Variants in STON2 observed in about 807,000 individuals in gnomAD.
The protein encoded by STON2 is stonin-2.
Under a neutral mutation model 65.7 loss-of-function variants are expected in STON2, and 29 were observed. The ratio of observed to expected loss-of-function variants is 0.44; its 90% CI spans 0.33 to 0.60. The LOEUF (loss-of-function observed/expected upper bound fraction) is 0.60. Among genes scored for constraint, STON2 ranks in the 20% least tolerant of loss-of-function variants. The probability of loss-of-function intolerance (pLI) is 0.03; values close to 1 mark genes in which losing one functional copy is unlikely to be tolerated. For missense variants in STON2, 1,054 were observed against 1,118.1 expected, an observed-to-expected ratio of 0.94 and a Z score of 0.82; for synonymous variants, 404 against 414.2, an observed-to-expected ratio of 0.98 and a Z score of 0.30.
chr14:81,318,442 C>T (rs1415540848), intron 5 of STON2, among the ~76,000 whole-genome samples: 2 of 152,184 alleles, frequency 1.3e-5, no homozygotes, highest in African/African-American at 2.4e-5. Context: ...AAAAATGCAA[C>T]TCCCTCTTCA....
rs73341941 is a variant in STON2, at chr14:81,367,722, G to A, written c.571+3266C>T. Among the ~76,000 whole-genome samples, 528 of 152,230 alleles carry A rather than the reference G, an allele frequency of 3.5e-3. 1 individual carries two copies. Among genetic ancestry groups the A allele is most frequent in the African/African-American group, 0.012 (504 of 41,530 alleles). Reference sequence around the variant, plus strand: ...TCCAGACACTGTCTCCATGGCCTGCGGAGCTGCTCTCTGAGGACTCACTTC... The same window carrying A: ...TCCAGACACTGTCTCCATGGCCTGCAGAGCTGCTCTCTGAGGACTCACTTC... On this transcript the variant is annotated intron_variant, in intron 4 of 7. Coordinates refer to ENST00000614646, the MANE Select transcript of STON2 (RefSeq NM_001394390.1).
chr14:81,420,046 T>C (rs1347173046), intron 2 of STON2, among the ~76,000 whole-genome samples: 2 of 152,178 alleles, frequency 1.3e-5, no homozygotes, highest in African/African-American at 4.8e-5. Context: ...CACACCATGT[T>C]GGCCCAACTC....
At chr14:81,420,066 TG>T (rs753740699) in intron 2 of STON2, among the ~76,000 whole-genome samples, 1 of 152,138 alleles carries the variant, frequency 6.6e-6, no homozygotes, top group Non-Finnish European at 1.5e-5. Flanking sequence ...CCCCACATTT[TG>T]GGGGTGCATC....
In STON2 at chr14:81,277,835, CTCA is replaced by C. The variant is rs750495978; in HGVS notation, c.1644_1646del (p.Asp548del). 1 of 1,614,190 alleles carries C rather than the reference CTCA, an allele frequency of 6.2e-7. No homozygotes were observed. Among genetic ancestry groups the C allele is most frequent in the Admixed American group, 1.7e-5 (1 of 60,022 alleles). On this transcript the variant is annotated inframe_deletion, in exon 6 of 8. Transcript: ENST00000614646. ...TCCGCAAGCTGTGGATTCTGCCATT[CTCA>C]TCATAGTTTTGAAGCCGGGGTTCTG...
chr14:81,359,785 C>A (rs12434434), intron 4 of STON2, among the ~76,000 whole-genome samples: 54,385 of 152,026 alleles, frequency 0.36, 9,980 homozygotes, highest in South Asian at 0.51. Context: ...AATTCCCTAA[C>A]AAATGTAATC....
chr14:81,373,884 G>A (rs1378794155), intron 3 of STON2, among the ~76,000 whole-genome samples: 2 of 151,858 alleles, frequency 1.3e-5, no homozygotes, highest in South Asian at 2.1e-4. Context: ...TTCACATAGG[G>A]GTGTACAGCT....
intron 6 of STON2, among the ~76,000 whole-genome samples, chr14:81,275,275 T>C (rs1208803959): frequency 6.6e-6 from 1 of 152,148 alleles, no homozygotes; most frequent in Non-Finnish European, 1.5e-5. Context: ...TCAATATTTG[T>C]GTCTATTTGG....
At chr14:81,401,431 C>T (rs1335121664), upstream of STON2, among the ~76,000 whole-genome samples, 1 of 152,154 alleles carries the variant, frequency 6.6e-6, no homozygotes, top group Non-Finnish European at 1.5e-5. Context: ...CATCATATTC[C>T]ATACCATAAA....
In STON2 at chr14:81,265,581, G is replaced by T; in HGVS notation, c.*2833C>A. 2.9e-6 allele frequency: 1 copy of T among 350,330 alleles called. No individual in the cohort carries two copies. Among genetic ancestry groups the T allele is most frequent in the Non-Finnish European group, 4.0e-6 (1 of 249,708 alleles). The allele number at this position is 350,330 out of a possible 1,614,324, so 21.7% of individuals were successfully genotyped here. A position where few individuals can be genotyped will look rare whatever the true frequency, so the allele number is the denominator to read the frequency against. On this transcript the variant is annotated 3_prime_UTR_variant, in exon 8 of 8. Transcript: ENST00000614646. Reference sequence around the variant, plus strand: ...GAGGCAGGAGATTTGGGAGGCAGAGGTTGCAATGAGCCGAGATCACGCCAT... The same window carrying T: ...GAGGCAGGAGATTTGGGAGGCAGAGTTTGCAATGAGCCGAGATCACGCCAT...
intron 5 of STON2, among the ~76,000 whole-genome samples, chr14:81,303,207 T>G (rs1241767158): frequency 2.6e-5 from 4 of 152,144 alleles, no homozygotes; most frequent in African/African-American, 9.7e-5. Flanking sequence ...GAAACATGTC[T>G]ACCTTGTTAG....
chr14:81,299,828 G>A (rs1283194293), intron 5 of STON2, among the ~76,000 whole-genome samples: 1 of 151,662 alleles, frequency 6.6e-6, no homozygotes, highest in East Asian at 1.9e-4. Flanking sequence ...CTAAATAAAT[G>A]GAGAGATTTC....
At chr14:81,333,769 G>GT (rs1897285464) in intron 4 of STON2, among the ~76,000 whole-genome samples, 2 of 152,086 alleles carry the variant, frequency 1.3e-5, no homozygotes, top group Non-Finnish European at 2.9e-5. Flanking sequence ...AAGCTACTTG[G>GT]TATCAACATG....
intron 5 of STON2, among the ~76,000 whole-genome samples, chr14:81,322,231 G>A (rs571624439): frequency 6.6e-6 from 1 of 152,298 alleles, no homozygotes; most frequent in African/African-American, 2.4e-5. Context: ...AGAGAAGCAC[G>A]TTTGGAGTGG....
At chr14:81,412,616 C>G (rs1308558370) in intron 2 of STON2, among the ~76,000 whole-genome samples, 1 of 138,882 alleles carries the variant, frequency 7.2e-6, no homozygotes. Context: ...TATGAAGATT[C>G]AGTTTTGCAA....
chr14:81,369,456 G>T (rs766525481), intron 4 of STON2, among the ~76,000 whole-genome samples: 1 of 152,144 alleles, frequency 6.6e-6, no homozygotes, highest in Non-Finnish European at 1.5e-5. Flanking sequence ...TGAAAAAACA[G>T]CCTCAGCATA....
In STON2 at chr14:81,411,873, A is replaced by AG. The variant is rs1237398936; in HGVS notation, c.-198-13294_-198-13293insC. ...ATAAGCAGAGTTAAGACAAGGAATA[A>AG]CAAGGAATCTTATACATAGAGTGAC... On this transcript the variant is annotated intron_variant, in intron 2 of 8. Coordinates refer to the STON2 transcript ENST00000553821. Among the ~76,000 whole-genome samples, 38 of 98,288 alleles carry AG rather than the reference A, an allele frequency of 3.9e-4. 1 individual carries two copies. The highest frequency in any genetic ancestry group is 1.1e-3 in the African/African-American group (18 of 17,010). 64.5% of individuals were successfully genotyped at this position (98,288 alleles called of 152,430 possible). A position where few individuals can be genotyped will look rare whatever the true frequency, so the allele number is the denominator to read the frequency against.
intron 5 of STON2, among the ~76,000 whole-genome samples, chr14:81,310,011 T>C (rs1428856653): frequency 6.6e-6 from 1 of 152,112 alleles, no homozygotes; most frequent in Admixed American, 6.6e-5. Context: ...ACTCAGAAAA[T>C]TCATTATTTA....
At chr14:81,375,296 T>C (rs188220370) in intron 3 of STON2, among the ~76,000 whole-genome samples, 7 of 151,982 alleles carry the variant, frequency 4.6e-5, no homozygotes, top group East Asian at 1.9e-4. Flanking sequence ...GACTGACAGG[T>C]TGAATTAACA....
intron 5 of STON2, among the ~76,000 whole-genome samples, chr14:81,307,776 C>T (rs1595330610): frequency 6.6e-6 from 1 of 152,206 alleles, no homozygotes. Flanking sequence ...TTCTTAATAA[C>T]ATTTTCTTTT....
Sources: allele counts gnomAD v4.1 joint callset (sites outside exome capture counted in the v4.1 genomes callset), GRCh38; gene constraint gnomAD v4.1.1; transcripts MANE v1.5; gene names NCBI Gene and HGNC (gene_info 2026-07-23, HGNC 2026-07-21).